Variants in PDE1C observed in about 807,000 individuals in gnomAD.
PDE1C encodes the protein dual specificity calcium/calmodulin-dependent 3',5'-cyclic nucleotide phosphodiesterase 1C.
PDE1C carries 62 observed loss-of-function variants against 93.1 expected under a neutral mutation model. The observed-to-expected ratio is 0.67, with a 90% CI of 0.54 to 0.82. The LOEUF (loss-of-function observed/expected upper bound fraction) is 0.82, where lower values mean the gene tolerates loss of function less well. Ranked by LOEUF, PDE1C falls within the 40% of genes least tolerant of loss-of-function variation. The pLI, the probability that PDE1C is intolerant of heterozygous loss-of-function variation, is 0.00. For synonymous variants in PDE1C, 325 were observed against 310.1 expected, an observed-to-expected ratio of 1.05 and a Z score of -0.50; for missense variants, 742 against 884.6, an observed-to-expected ratio of 0.84 and a Z score of 2.04.
chr7:31,787,566 T>C (rs917754), intron 16 of PDE1C: 73,810 of 152,062 alleles, frequency 0.49, 19,616 homozygotes, highest in African/African-American at 0.71. Context: ...TCACATTTTA[T>C]CCAGGGACGT....
At chr7:32,358,012 G>A (rs895263687) in intron 1 of PDE1C, among the ~76,000 whole-genome samples, 2 of 152,214 alleles carry the variant, frequency 1.3e-5, no homozygotes, top group Non-Finnish European at 2.9e-5. Flanking sequence ...AGTGACCCCA[G>A]CAGAGGCCTG....
In PDE1C at chr7:31,753,446, G is replaced by A; in HGVS notation, c.2068C>T (p.Leu690=). The part of the protein sequence containing the change: ...TDEHPARYKM[L]DQRIKMKKIQ... ...TTTTTCATTTTGATCCTCTGATCCA[G>A]CATCTTGTACCTTGCAGGATGCTCA... Residue 690 remains leucine (L), a synonymous_variant, in exon 18 of 18, where the codon CTG becomes TTG. Coordinates refer to ENST00000396191, the MANE Select transcript of PDE1C (RefSeq NM_001191057.4). 3.1e-6 allele frequency: 5 copies of A among 1,612,408 alleles called. No homozygotes were observed. The highest frequency in any genetic ancestry group is 4.2e-6 in the Non-Finnish European group (5 of 1,179,644).
At chr7:31,622,305 T>A in the PDE1C span, among the ~76,000 whole-genome samples, 1 of 151,906 alleles carries the variant, frequency 6.6e-6, no homozygotes, top group East Asian at 1.9e-4. Context: ...AATATACATT[T>A]TTTTTTCAGC....
intron 2 of PDE1C, among the ~76,000 whole-genome samples, chr7:32,036,373 A>T (rs1009079353): frequency 2.0e-5 from 3 of 152,210 alleles, no homozygotes; most frequent in African/African-American, 7.2e-5. Context: ...ATATTAGAAA[A>T]GATGGAAGGT....
chr7:31,704,022 G>A, the PDE1C span, among the ~76,000 whole-genome samples: 4,517 of 152,270 alleles, frequency 0.03, 247 homozygotes, highest in African/African-American at 0.1. Flanking sequence ...CTGCTTAAGA[G>A]TGAAAAGAAG....
chr7:32,214,167 A>G (rs1165369159), intron 1 of PDE1C, among the ~76,000 whole-genome samples: 2 of 152,130 alleles, frequency 1.3e-5, no homozygotes, highest in African/African-American at 2.4e-5. Context: ...TTTTATACAT[A>G]CACGGACACA....
intron 9 of PDE1C, among the ~76,000 whole-genome samples, chr7:31,847,466 G>A (rs553217544): frequency 1.3e-4 from 19 of 151,766 alleles, no homozygotes; most frequent in African/African-American, 4.6e-4. Context: ...ATCAAATATA[G>A]GGTGAAAAAC....
At chr7:32,353,999 C>T (rs1668393) in intron 1 of PDE1C, among the ~76,000 whole-genome samples, 77,151 of 151,940 alleles carry the variant, frequency 0.51, 22,287 homozygotes, top group Admixed American at 0.66. Context: ...CAGGGAGCAA[C>T]AGACAACAAC....
rs536565739 is a variant in PDE1C at position 32,325,112 on chromosome 7, T to C, written c.310+102710A>G. ...CTAACAAATAATACGTTCATCAAAG[T>C]TACCTAGAGATTTTATTGTTTTGAC... On this transcript the variant is annotated intron_variant, in intron 1 of 1. Coordinates refer to the PDE1C transcript ENST00000672256. Among the ~76,000 whole-genome samples the C allele has an allele frequency of 9.8e-5, 15 of 152,316 alleles. No individual in the cohort carries two copies. In the South Asian group the frequency reaches 3.1e-3, roughly 32 times the overall value.
At chr7:31,718,972 A>G in the PDE1C span, among the ~76,000 whole-genome samples, 3 of 152,188 alleles carry the variant, frequency 2.0e-5, no homozygotes, top group Non-Finnish European at 4.4e-5. Flanking sequence ...AGTTACCAGC[A>G]TGGGACTGCC....
intron 3 of PDE1C, among the ~76,000 whole-genome samples, chr7:32,098,276 A>G (rs1050092203): frequency 6.7e-6 from 1 of 149,014 alleles, no homozygotes; most frequent in African/African-American, 2.5e-5. Flanking sequence ...TTTCACCACA[A>G]CCCTGAAGCG....
chr7:31,673,214 G>C, the PDE1C span, among the ~76,000 whole-genome samples: 16 of 152,194 alleles, frequency 1.1e-4, no homozygotes, highest in African/African-American at 3.6e-4. Context: ...GGAAGCTGGA[G>C]GCTGACTAAC....
chr7:31,737,274 C>T, the PDE1C span, among the ~76,000 whole-genome samples: 1 of 151,856 alleles, frequency 6.6e-6, no homozygotes, highest in Admixed American at 6.6e-5. Context: ...CCACCATACC[C>T]CACCAACTCT....
chr7:32,010,519 G>A (rs1057475266), intron 2 of PDE1C, among the ~76,000 whole-genome samples: 7 of 152,146 alleles, frequency 4.6e-5, no homozygotes, highest in Non-Finnish European at 1.0e-4. Flanking sequence ...AGACCTAAAT[G>A]GAAATCCTAA....
At chr7:32,350,578 ATATATATATATATTTTTTT>A (rs1403220553) in intron 1 of PDE1C, among the ~76,000 whole-genome samples, 1 of 326 alleles carries the variant, frequency 3.1e-3, no homozygotes, top group African/African-American at 4.0e-3. Flanking sequence ...ATATATATAT[ATATATATATATATTTTTTT>A]TTTTTTTTTT....
chr7:31,830,916 A>T (rs1335522817), intron 11 of PDE1C, among the ~76,000 whole-genome samples: 1 of 152,180 alleles, frequency 6.6e-6, no homozygotes. Flanking sequence ...ACTGTACATG[A>T]GTGAGTTCAA....
intron 2 of PDE1C, among the ~76,000 whole-genome samples, chr7:31,975,917 A>G (rs1563131116): frequency 6.6e-6 from 1 of 152,200 alleles, no homozygotes; most frequent in South Asian, 2.1e-4. Flanking sequence ...AAAGTGACCA[A>G]TCAAAAAGTA....
intron 3 of PDE1C, among the ~76,000 whole-genome samples, chr7:32,086,437 A>T (rs1797079374): frequency 6.6e-6 from 1 of 152,212 alleles, no homozygotes; most frequent in South Asian, 2.1e-4. Flanking sequence ...GCCCAAGGTA[A>T]TTTATAGATT....
chr7:32,373,624 T>C (rs1585130585), intron 1 of PDE1C, among the ~76,000 whole-genome samples: 1 of 152,236 alleles, frequency 6.6e-6, no homozygotes, highest in Non-Finnish European at 1.5e-5. Flanking sequence ...TTGTATGATA[T>C]GGTATGTGAA....
Sources: gnomAD v4.1 joint callset for allele counts (sites outside exome capture counted in the v4.1 genomes callset) on GRCh38, gnomAD v4.1.1 for gene constraint, MANE v1.5 for transcripts, NCBI Gene and HGNC (gene_info 2026-07-23, HGNC 2026-07-21) for gene names.